Variants in REV1 observed in about 807,000 individuals in gnomAD.
REV1 encodes the protein translesion synthesis protein REV1.
In REV1, 42 loss-of-function variants were observed where a neutral mutation model predicts 137.4. The observed-to-expected ratio is 0.31, with a 90% CI of 0.24 to 0.40. The LOEUF (loss-of-function observed/expected upper bound fraction) is 0.40, where lower values mean the gene tolerates loss of function less well. Among genes scored for constraint, REV1 ranks in the 10% least tolerant of loss-of-function variants. The pLI, the probability that REV1 is intolerant of heterozygous loss-of-function variation, is 1.00. For missense variants in REV1, 1,282 were observed against 1,490.1 expected, an observed-to-expected ratio of 0.86 and a Z score of 2.30; for synonymous variants, 524 against 519.2, an observed-to-expected ratio of 1.01 and a Z score of -0.12.
At chr2:99,456,292 G>A (rs1462137943) in intron 3 of REV1, among the ~76,000 whole-genome samples, 1 of 152,174 alleles carries the variant, frequency 6.6e-6, no homozygotes, top group Non-Finnish European at 1.5e-5. Context: ...CTGGAGATAT[G>A]GCAATGAACA....
intron 1 of REV1, among the ~76,000 whole-genome samples, chr2:99,472,338 G>T (rs188647945): frequency 6.6e-6 from 1 of 152,290 alleles, no homozygotes; most frequent in Non-Finnish European, 1.5e-5. Flanking sequence ...CTACCTATAT[G>T]AAGTATTTAA....
intron 1 of REV1, among the ~76,000 whole-genome samples, chr2:99,475,807 AC>A (rs1177647877): frequency 6.6e-6 from 1 of 152,006 alleles, no homozygotes; most frequent in South Asian, 2.1e-4. Context: ...ACATGGTAAA[AC>A]CCCATCTCTA....
chr2:99,410,039 G>C (rs760366670), intron 14 of REV1, among the ~76,000 whole-genome samples: 1 of 151,924 alleles, frequency 6.6e-6, no homozygotes, highest in Non-Finnish European at 1.5e-5. Flanking sequence ...GAGACAGAAT[G>C]TTGCTCTGTT....
intron 3 of REV1, among the ~76,000 whole-genome samples, chr2:99,460,016 A>C (rs1248848127): frequency 6.6e-6 from 1 of 152,194 alleles, no homozygotes; most frequent in African/African-American, 2.4e-5. Flanking sequence ...TTTACAGTGA[A>C]AACTGCATCT....
At chr2:99,408,661 G>A (rs889382639) in intron 14 of REV1, among the ~76,000 whole-genome samples, 2 of 152,156 alleles carry the variant, frequency 1.3e-5, no homozygotes, top group Non-Finnish European at 2.9e-5. Flanking sequence ...CTTGAAGGAG[G>A]ACCAAATGGT....
chr2:99,428,086 C>A (rs544116330), intron 9 of REV1, among the ~76,000 whole-genome samples: 15 of 152,292 alleles, frequency 9.8e-5, no homozygotes, highest in African/African-American at 3.1e-4. Context: ...AGCCAGCATT[C>A]ATCTTGGTGG....
At chr2:99,409,606 G>A (rs1340286122) in intron 14 of REV1, among the ~76,000 whole-genome samples, 1 of 152,160 alleles carries the variant, frequency 6.6e-6, no homozygotes, top group East Asian at 1.9e-4. Context: ...CACTATGGGA[G>A]GCTGCGGTGG....
chr2:99,415,375 G>A (rs748887826), intron 12 of REV1, among the ~76,000 whole-genome samples: 1 of 152,184 alleles, frequency 6.6e-6, no homozygotes, highest in African/African-American at 2.4e-5. Flanking sequence ...CAAAGACTTG[G>A]CATCTGTCCT....
Position 99,435,933 on chromosome 2 carries a change from A to T in REV1, c.1222T>A (p.Ser408Thr). The change falls in exon 7 of 23, where the codon TCA becomes ACA. Residue 408 changes from serine (S) to threonine (T), a missense_variant. Around this residue, in one of 7 missense-constraint regions of REV1, gnomAD observed 432 missense variants for 438.0 expected, o/e 0.99. Coordinates refer to ENST00000258428, the MANE Select transcript of REV1 (RefSeq NM_016316.4). The part of the protein sequence containing the change: ...ALVVTDTGDM[S>T]VLNSPRHQSC... The stretch of plus-strand genomic sequence containing the variant: ...TGATGTCTGGGAGAATTCAATACTG[A>T]CATATCTCCTAGAAGGAAAAAGACA... 6.4e-7 allele frequency: 1 copy of T among 1,569,858 alleles called. No individual in the cohort carries two copies. Among genetic ancestry groups the T allele is most frequent in the African/African-American group, 1.4e-5 (1 of 74,064 alleles).
intron 6 of REV1, 39 bp from the exon 7 acceptor site, chr2:99,435,980 T>G: frequency 8.8e-7 from 1 of 1,141,662 alleles, no homozygotes; most frequent in Non-Finnish European, 1.3e-6. Context: ...CCAAGCTAAT[T>G]TTTACTATTT....
rs373850478 is a variant in REV1, at chr2:99,454,550, CAAAAAAAAAAAAAAA to C, written c.182-5061_182-5047del. Among the ~76,000 whole-genome samples, 629 of 82,088 alleles carry C rather than the reference CAAAAAAAAAAAAAAA, an allele frequency of 7.7e-3. 1 individual carries two copies. Among genetic ancestry groups the C allele is most frequent in the Middle Eastern group, 9.3e-3 (1 of 108 alleles). 53.9% of individuals were successfully genotyped at this position (82,088 alleles called of 152,430 possible). A position where few individuals can be genotyped will look rare whatever the true frequency, so the allele number is the denominator to read the frequency against. ...GGGCAACAAGAGTGAAACTCCAGCT[CAAAAAAAAAAAAAAA>C]AAAAAAAAAAAAAAAAAAAAAAAAA... On this transcript the variant is annotated intron_variant, in intron 3 of 22. Coordinates refer to ENST00000258428, the MANE Select transcript of REV1 (RefSeq NM_016316.4).
chr2:99,451,902 T>G lies in REV1; in HGVS notation c.182-2398A>C, dbSNP rs1362960418. On this transcript the variant is annotated intron_variant, in intron 3 of 22. Transcript: ENST00000258428. ...GACCACTTTGTCAGGTCCAACAGGC[T>G]GGCATGCTAACTGTTGGCATGCATG... Among the ~76,000 whole-genome samples the G allele has an allele frequency of 2.0e-5, 3 of 152,024 alleles. No homozygotes were observed. In the South Asian group the frequency reaches 6.3e-4, roughly 32 times the overall value.
chr2:99,439,214 A>T lies in REV1; in HGVS notation c.600T>A (p.Phe200Leu). ...NEEDENNDFSFVDLEQTSPGR... is the reference protein window; with the variant it reads ...NEEDENNDFSLVDLEQTSPGR... ...CCGGAGAGGTCTGCTCCAGATCCAC[A>T]AAACTAAAATCATTATTTTCATCTT... is the stretch of plus-strand genomic sequence containing the variant. The change falls in exon 6 of 23, where the codon TTT (phenylalanine) becomes TTA (leucine). Residue 200 changes from phenylalanine to leucine, a missense_variant. Around this residue, in one of 7 missense-constraint regions of REV1, gnomAD observed 432 missense variants for 438.0 expected, o/e 0.99. Transcript: ENST00000258428. The T allele has an allele frequency of 6.2e-7, 1 of 1,614,182 alleles. No homozygotes were observed. Among genetic ancestry groups the T allele is most frequent in the Non-Finnish European group, 8.5e-7 (1 of 1,180,002 alleles).
chr2:99,407,934 C>T (rs1676570191), intron 15 of REV1, 95 bp downstream of exon 15: 1 of 630,944 alleles, frequency 1.6e-6, no homozygotes, highest in Middle Eastern at 2.7e-4. Context: ...CATATAAAGT[C>T]CCTATACACC....
chr2:99,465,125 T>C lies in REV1; in HGVS notation c.-10-140A>G, dbSNP rs1684654736. 5.6e-6 allele frequency: 4 copies of C among 712,966 alleles called. No individual in the cohort carries two copies. In the South Asian group the frequency reaches 6.4e-5, roughly 11 times the overall value. The allele number at this position is 712,966 out of a possible 1,614,324, so 44.2% of individuals were successfully genotyped here. A position where few individuals can be genotyped will look rare whatever the true frequency, so the allele number is the denominator to read the frequency against. Reference sequence around the variant, plus strand: ...AAGTATACAATATTAAGTAAACTTTTTCTGAAGTTCTCCATTCTCCAGCTT... The same window carrying C: ...AAGTATACAATATTAAGTAAACTTTCTCTGAAGTTCTCCATTCTCCAGCTT... On this transcript the variant is annotated intron_variant, in intron 1 of 22. Transcript: ENST00000258428.
intron 3 of REV1, among the ~76,000 whole-genome samples, chr2:99,453,892 C>CAAAAAAAAA (rs58291328): frequency 2.1e-5 from 1 of 48,008 alleles, no homozygotes; most frequent in African/African-American, 8.2e-5. Context: ...GGCTCTGTCT[C>CAAAAAAAAA]AAAAAAAAAA....
At chr2:99,446,583 C>T (rs1322297516) in intron 4 of REV1, among the ~76,000 whole-genome samples, 1 of 152,090 alleles carries the variant, frequency 6.6e-6, no homozygotes, top group Non-Finnish European at 1.5e-5. Context: ...CAACCTCCAC[C>T]TCCCAGGTTC....
chr2:99,411,443 G>A (rs995955815), intron 13 of REV1, among the ~76,000 whole-genome samples: 1 of 110,926 alleles, frequency 9.0e-6, no homozygotes, highest in Non-Finnish European at 1.9e-5. Context: ...TCTCATTCTT[G>A]TCCCCCAGGC....
chr2:99,460,157 A>C (rs1575174297), intron 3 of REV1, among the ~76,000 whole-genome samples: 1 of 151,972 alleles, frequency 6.6e-6, no homozygotes, highest in Non-Finnish European at 1.5e-5. Flanking sequence ...GCTCACTTCA[A>C]CCTCCGCCTC....
Sources: allele counts gnomAD v4.1 joint callset (sites outside exome capture counted in the v4.1 genomes callset), GRCh38; gene constraint gnomAD v4.1.1; regional missense constraint gnomAD v4.1.1; transcripts MANE v1.5; gene names NCBI Gene and HGNC (gene_info 2026-07-23, HGNC 2026-07-21).